SIPA1L3: variants seen among roughly 807,000 people sequenced by gnomAD.
SIPA1L3 encodes signal-induced proliferation-associated 1-like protein 3.
In SIPA1L3, 59 loss-of-function variants were observed where a neutral mutation model predicts 150.1. The ratio of observed to expected loss-of-function variants is 0.39; its 90% confidence interval spans 0.32 to 0.49. The LOEUF is 0.49. Among genes scored for constraint, SIPA1L3 ranks in the 20% least tolerant of loss-of-function variants. SIPA1L3 has a pLI of 0.86. For missense variants in SIPA1L3, 2,211 were observed against 2,489.5 expected (o/e 0.89, Z 2.38); for synonymous variants, 1,070 against 1,077.6 (o/e 0.99, Z 0.14).
At chr19:37,915,264 G>A (rs1599788325) in intron 1 of SIPA1L3, among the ~76,000 whole-genome samples, 1 of 152,294 alleles carries the variant, frequency 6.6e-6, no homozygotes, top group South Asian at 2.1e-4. Flanking sequence ...GCCATACCAG[G>A]CACAGGTTAG....
intron 1 of SIPA1L3, among the ~76,000 whole-genome samples, chr19:38,005,222 C>G (rs1275062366): frequency 6.6e-6 from 1 of 152,080 alleles, no homozygotes. Flanking sequence ...TGCCAAAGGA[C>G]AGCAATTGGG....
At position 38,113,319 on chromosome 19, in the gene SIPA1L3, AC is replaced by A. The variant is rs146150330; in HGVS notation, c.2291+2936del. Among the ~76,000 whole-genome samples, 11 of 152,038 alleles carry A rather than the reference AC, an allele frequency of 7.2e-5. No homozygotes were observed. The East Asian group carries it at 2.2e-3, about 30-fold the overall frequency. ...GCCCAACATGTTTCTGTCATAGCAC[AC>A]ATGACACCATAAAAATGATATGATG... On this transcript the variant is annotated intron_variant, in intron 8 of 21. Coordinates refer to ENST00000222345, the MANE Select transcript of SIPA1L3 (RefSeq NM_015073.3).
At chr19:38,060,553 T>C (rs1969424254) in intron 2 of SIPA1L3, among the ~76,000 whole-genome samples, 1 of 152,212 alleles carries the variant, frequency 6.6e-6, no homozygotes, top group Admixed American at 6.5e-5. Context: ...ACAGAATGAA[T>C]GCACAGATGG....
chr19:38,164,651 C>G lies in SIPA1L3; in HGVS notation c.3953C>G (p.Ser1318Cys), dbSNP rs1356425630. 3 of 1,614,210 alleles carry G rather than the reference C, an allele frequency of 1.9e-6. No individual in the cohort carries two copies. The highest frequency in any genetic ancestry group is 2.5e-6 in the Non-Finnish European group (3 of 1,180,042). The change falls in exon 15 of 22, where the codon TCC (serine) becomes TGC (cysteine). Residue 1318 changes from serine to cysteine, a missense_variant. Transcript: ENST00000222345. The surrounding 1 kb of genome is among the most constrained non-coding windows in gnomAD (Gnocchi z 4.1). ...GGCATCGACACCACCCTCTACACCT[C>G]CAGCCCTAGCTGCATGTCCCTGGCC... ...DSGIDTTLYT[S>C]SPSCMSLAKA...
At chr19:37,963,587 A>G (rs2046878344) in intron 1 of SIPA1L3, among the ~76,000 whole-genome samples, 1 of 152,208 alleles carries the variant, frequency 6.6e-6, no homozygotes, top group African/African-American at 2.4e-5. Context: ...CCCCAAATTA[A>G]ACGCCACATG....
At chr19:38,078,512 GCACACACACACAGA>G (rs1969902930) in intron 2 of SIPA1L3, among the ~76,000 whole-genome samples, 2 of 129,552 alleles carry the variant, frequency 1.5e-5, no homozygotes, top group Non-Finnish European at 3.3e-5. Flanking sequence ...ACACAGACAT[GCACACACACACAGA>G]CGCACACAGA....
chr19:38,020,501 A>C (rs945461271), intron 1 of SIPA1L3, among the ~76,000 whole-genome samples: 3 of 152,218 alleles, frequency 2.0e-5, no homozygotes, highest in African/African-American at 7.2e-5. Flanking sequence ...GAAGGGGCTT[A>C]ACTGTTGGCA....
chr19:38,155,902 G>A (rs111736013), intron 13 of SIPA1L3, among the ~76,000 whole-genome samples: 4,203 of 152,186 alleles, frequency 0.028, 178 homozygotes, highest in African/African-American at 0.094. Context: ...CCAACTTGGC[G>A]AAACCCCTTC....
chr19:38,199,612 G>A (rs937644069), intron 19 of SIPA1L3, among the ~76,000 whole-genome samples: 1 of 150,626 alleles, frequency 6.6e-6, no homozygotes, highest in South Asian at 2.1e-4. Context: ...TTACGGGGGA[G>A]AGGGGGGAGT....
intron 6 of SIPA1L3, among the ~76,000 whole-genome samples, chr19:38,104,407 G>C (rs576246638): frequency 6.6e-6 from 1 of 152,306 alleles, no homozygotes; most frequent in South Asian, 2.1e-4. Flanking sequence ...TGAGGGTTCC[G>C]TGGGTCAGCT....
At chr19:38,205,937 T>G (rs1463615640) in intron 21 of SIPA1L3, among the ~76,000 whole-genome samples, 160 bp from the exon 22 acceptor site, 1 of 152,100 alleles carries the variant, frequency 6.6e-6, no homozygotes, top group African/African-American at 2.4e-5. Context: ...GTCCCTCGGT[T>G]GTGGAGAGGC....
chr19:38,048,908 C>T (rs942716592), intron 2 of SIPA1L3, among the ~76,000 whole-genome samples: 2 of 152,096 alleles, frequency 1.3e-5, no homozygotes, highest in African/African-American at 4.8e-5. Flanking sequence ...CACGGTGAAA[C>T]CCCGTGTCTA....
At chr19:38,107,328 A>G (rs1970645305) in intron 7 of SIPA1L3, among the ~76,000 whole-genome samples, 1 of 152,192 alleles carries the variant, frequency 6.6e-6, no homozygotes, top group Non-Finnish European at 1.5e-5. Flanking sequence ...CTCATGCCCA[A>G]CCCTAGAGAG....
At chr19:38,113,628 C>T (rs771350426) in intron 8 of SIPA1L3, among the ~76,000 whole-genome samples, 5 of 151,378 alleles carry the variant, frequency 3.3e-5, no homozygotes, top group East Asian at 1.9e-4. Flanking sequence ...CCAAAAAAAA[C>T]GGAAAAACAG....
chr19:38,155,243 T>A (rs1157280491), intron 13 of SIPA1L3, among the ~76,000 whole-genome samples: 1 of 152,084 alleles, frequency 6.6e-6, no homozygotes, highest in Admixed American at 6.5e-5. Context: ...TATTATTTTT[T>A]AAAAACATTT....
chr19:38,128,507 G>C (rs1223690218), intron 9 of SIPA1L3, among the ~76,000 whole-genome samples: 1 of 152,220 alleles, frequency 6.6e-6, no homozygotes, highest in Non-Finnish European at 1.5e-5. Context: ...ATTTGTGTCT[G>C]TGGGCATGTG....
At chr19:38,130,819 A>G in intron 10 of SIPA1L3, 47 bp downstream of exon 10, 1 of 1,557,770 alleles carries the variant, frequency 6.4e-7, no homozygotes, top group Non-Finnish European at 8.7e-7. Context: ...CAGCTCCCAG[A>G]TCGCTGGCAT....
intron 1 of SIPA1L3, among the ~76,000 whole-genome samples, chr19:38,011,778 T>A (rs1968104688): frequency 6.6e-6 from 1 of 151,834 alleles, no homozygotes. Flanking sequence ...TGGCTGTGGG[T>A]GGAGAATAGA....
intron 8 of SIPA1L3, among the ~76,000 whole-genome samples, chr19:38,111,997 GCACACAGGCACACA>G (rs1378043817): frequency 7.4e-6 from 1 of 135,564 alleles, no homozygotes; most frequent in African/African-American, 3.0e-5. Context: ...GCACACACCT[GCACACAGGCACACA>G]CATGCACACA....
Sources: allele counts gnomAD v4.1 joint callset (sites outside exome capture counted in the v4.1 genomes callset), GRCh38; gene constraint gnomAD v4.1.1; non-coding constraint Gnocchi (gnomAD v3.1); transcripts MANE v1.5; gene names NCBI Gene and HGNC (gene_info 2026-07-23, HGNC 2026-07-21).